LYSMD2: variants seen among roughly 807,000 people sequenced by gnomAD.
LYSMD2 encodes the protein lysM and putative peptidoglycan-binding domain-containing protein 2.
Under a neutral mutation model 17.7 loss-of-function variants are expected in LYSMD2, and 6 were observed. That is an observed-to-expected ratio of 0.34 (90% CI 0.19 to 0.67). The LOEUF (loss-of-function observed/expected upper bound fraction) is 0.67. Ranked by LOEUF, LYSMD2 falls within the 30% of genes least tolerant of loss-of-function variation. LYSMD2 has a pLI of 0.69. For synonymous variants in LYSMD2, 102 were observed against 129.8 expected (o/e 0.79, Z 1.45); for missense variants, 237 against 286.7 (o/e 0.83, Z 1.25).
At chr15:51,735,763 C>T (rs1011850515) in intron 1 of LYSMD2, among the ~76,000 whole-genome samples, 1 of 152,208 alleles carries the variant, frequency 6.6e-6, no homozygotes. Context: ...TAAGAGTTAT[C>T]TATAATCAAC....
At chr15:51,742,525 T>A (rs2055648302), upstream of LYSMD2, among the ~76,000 whole-genome samples, 2 of 152,246 alleles carry the variant, frequency 1.3e-5, no homozygotes, top group Admixed American at 6.5e-5. Context: ...TCATGTTGAG[T>A]TTGGGGGAGC....
At chr15:51,723,840 T>G (rs538887463) in intron 2 of LYSMD2, among the ~76,000 whole-genome samples, 191 bp from the exon 3 acceptor site, 47 of 152,206 alleles carry the variant, frequency 3.1e-4, no homozygotes, top group Non-Finnish European at 6.2e-4. Flanking sequence ...TATTCATATC[T>G]CAGTTATTAG....
At chr15:51,750,102 C>G (rs2055690057) in intron 1 of LYSMD2, among the ~76,000 whole-genome samples, 1 of 152,174 alleles carries the variant, frequency 6.6e-6, no homozygotes, top group Non-Finnish European at 1.5e-5. Flanking sequence ...AAAAGGGAGA[C>G]AGTGCTGGGG....
intron 1 of LYSMD2, among the ~76,000 whole-genome samples, chr15:51,734,216 A>G (rs142905206): frequency 1.3e-5 from 2 of 151,426 alleles, no homozygotes; most frequent in African/African-American, 4.9e-5. Flanking sequence ...CAAAACAGAG[A>G]CTCCTAGACT....
chr15:51,725,085 TG>T lies in LYSMD2; in HGVS notation c.309del (p.Asn104MetfsTer6), dbSNP rs762653319. ...EQIKRANKLF[T>X]NDCIFLKKTL... The stretch of plus-strand genomic sequence containing the variant: ...GTTTTCTTCAGAAATATACAATCAT[TG>T]GTAAACAGTTTATTGGCCCTTTTAA... On this transcript the variant is annotated frameshift_variant, in exon 2 of 3. Coordinates refer to ENST00000267838, the MANE Select transcript of LYSMD2 (RefSeq NM_153374.3). LOFTEE classifies it high-confidence loss of function. 6.2e-7 allele frequency: 1 copy of T among 1,610,534 alleles called. No homozygotes were observed. The highest frequency in any genetic ancestry group is 1.7e-5 in the Admixed American group (1 of 59,764).
chr15:51,727,091 C>T (rs542654695), intron 1 of LYSMD2, among the ~76,000 whole-genome samples: 28 of 152,032 alleles, frequency 1.8e-4, no homozygotes, highest in African/African-American at 5.6e-4. Flanking sequence ...GATGAATTAA[C>T]GCAGGTCAGA....
chr15:51,742,684 G>A (rs2055648894), intron 1 of LYSMD2, among the ~76,000 whole-genome samples: 2 of 152,210 alleles, frequency 1.3e-5, no homozygotes, highest in African/African-American at 4.8e-5. Flanking sequence ...CTTGCTGGGT[G>A]CAGTGGCTCA....
chr15:51,739,338 A>AT (rs2055631989), upstream of LYSMD2, among the ~76,000 whole-genome samples: 2 of 151,466 alleles, frequency 1.3e-5, no homozygotes, highest in African/African-American at 4.9e-5. Context: ...GCTCAGTGGA[A>AT]TAAAAAAAAA....
exon 1 of LYSMD2, chr15:51,751,308 C>G (rs548626470): frequency 2.1e-4 from 148 of 702,582 alleles, no homozygotes; most frequent in Non-Finnish European, 1.3e-5. Flanking sequence ...TGTCAGGATG[C>G]TCGCTCACAG....
intron 1 of LYSMD2, among the ~76,000 whole-genome samples, chr15:51,726,164 T>G (rs1423394844): frequency 3.3e-5 from 5 of 152,162 alleles, no homozygotes; most frequent in Non-Finnish European, 1.5e-5. Context: ...AGGAATGAGA[T>G]TTTTAAAAAG....
upstream of LYSMD2, among the ~76,000 whole-genome samples, chr15:51,739,623 G>A (rs138548360): frequency 4.1e-4 from 62 of 152,126 alleles, no homozygotes; most frequent in African/African-American, 1.4e-3. Flanking sequence ...TTACTGCATG[G>A]CTGGAAGTTT....
intron 1 of LYSMD2, among the ~76,000 whole-genome samples, chr15:51,746,209 T>A (rs2055666793): frequency 6.6e-6 from 1 of 152,208 alleles, no homozygotes; most frequent in South Asian, 2.1e-4. Context: ...TAAATGTCCA[T>A]CCACTGATGA....
At chr15:51,737,739 G>C, upstream of LYSMD2, 3 of 799,102 alleles carry the variant, frequency 3.8e-6, no homozygotes, top group Non-Finnish European at 4.9e-6. This position sits in a 1 kb window ranked among gnomAD's most constrained non-coding sequence, Gnocchi z 4.2. Flanking sequence ...CGTTCCGCGG[G>C]GGCGGCGGAC....
intron 1 of LYSMD2, among the ~76,000 whole-genome samples, chr15:51,745,700 T>A (rs1323868778): frequency 1.3e-5 from 2 of 152,090 alleles, no homozygotes; most frequent in Non-Finnish European, 2.9e-5. Context: ...GCAAATCGCA[T>A]ATCTAATAAG....
At chr15:51,728,084 C>G (rs953395045) in intron 1 of LYSMD2, among the ~76,000 whole-genome samples, 3 of 152,144 alleles carry the variant, frequency 2.0e-5, no homozygotes, top group African/African-American at 7.2e-5. Context: ...AGGATAGTAA[C>G]AGTTCCTTCC....
chr15:51,723,427 T>C lies in LYSMD2; in HGVS notation c.*180A>G. The C allele has an allele frequency of 1.9e-6, 1 of 537,042 alleles. No individual in the cohort carries two copies. The highest frequency in any genetic ancestry group is 2.3e-5 in the South Asian group (1 of 42,716). The allele number at this position is 537,042 out of a possible 1,614,324, so 33.3% of individuals were successfully genotyped here. On this transcript the variant is annotated 3_prime_UTR_variant, in exon 3 of 3. Transcript: ENST00000267838. ...TCATGCCATAATAAAGACTTAAAAT[T>C]ATAGAAAGCCAGAGGGAACTAATCA...
intron 1 of LYSMD2, among the ~76,000 whole-genome samples, chr15:51,747,992 G>A (rs774252347): frequency 1.2e-4 from 19 of 152,074 alleles, no homozygotes; most frequent in Middle Eastern, 3.2e-3. Flanking sequence ...GATGAAGAAG[G>A]CCGGGCCCGG....
chr15:51,728,079 A>G (rs182192794), intron 1 of LYSMD2, among the ~76,000 whole-genome samples: 1 of 152,200 alleles, frequency 6.6e-6, no homozygotes, highest in South Asian at 2.1e-4. Flanking sequence ...AAGTAAGGAT[A>G]GTAACAGTTC....
chr15:51,737,729 C>G (rs1043756050), upstream of LYSMD2: 1 of 873,332 alleles, frequency 1.1e-6, no homozygotes, highest in Admixed American at 4.6e-5. The surrounding 1 kb of genome is among the most constrained non-coding windows in gnomAD (Gnocchi z 4.2). Flanking sequence ...TGCAGCAGGC[C>G]GTTCCGCGGG....
Sources: allele counts gnomAD v4.1 joint callset (sites outside exome capture counted in the v4.1 genomes callset), GRCh38; gene constraint gnomAD v4.1.1; non-coding constraint Gnocchi (gnomAD v3.1); transcripts MANE v1.5; gene names NCBI Gene and HGNC (gene_info 2026-07-23, HGNC 2026-07-21).